The following HS3ST5 variants were observed in gnomAD, a reference collection of about 807,000 sequenced individuals.
The protein encoded by HS3ST5 is heparan sulfate-glucosamine 3-sulfotransferase 5.
In HS3ST5, 10 loss-of-function variants were observed where a neutral mutation model predicts 25.4. That is an observed-to-expected ratio of 0.39 (90% CI 0.24 to 0.67). The LOEUF is 0.67. Ranked by LOEUF, HS3ST5 falls within the 30% of genes least tolerant of loss-of-function variation. The pLI, the probability that HS3ST5 is intolerant of heterozygous loss-of-function variation, is 0.44. For synonymous variants in HS3ST5, 170 were observed against 162.4 expected, an observed-to-expected ratio of 1.05 and a Z score of -0.36; for missense variants, 324 against 420.7, an observed-to-expected ratio of 0.77 and a Z score of 2.01.
In HS3ST5 at chr6:114,249,577, T is replaced by C. The variant is rs1582757490; in HGVS notation, c.-338-20799A>G. Among the ~76,000 whole-genome samples the C allele has an allele frequency of 3.9e-5, 6 of 152,324 alleles. No homozygotes were observed. The South Asian group carries it at 1.2e-3, about 32-fold the overall frequency. On this transcript the variant is annotated intron_variant, in intron 1 of 4. Transcript: ENST00000312719. ...AGAGTGCTGGTTGCAGACAAGAGTGTTGCCCTTGGCTGAAGGAAACTGCCT... is the reference window on the plus strand; with the variant it reads ...AGAGTGCTGGTTGCAGACAAGAGTGCTGCCCTTGGCTGAAGGAAACTGCCT...
chr6:114,156,838 T>G (rs1778721563), intron 3 of HS3ST5, among the ~76,000 whole-genome samples: 2 of 152,186 alleles, frequency 1.3e-5, no homozygotes, highest in South Asian at 4.1e-4. Context: ...CTTCTTCCAC[T>G]TATTATCTTA....
At chr6:114,117,901 G>C (rs1273994083) in intron 3 of HS3ST5, among the ~76,000 whole-genome samples, 1 of 143,330 alleles carries the variant, frequency 7.0e-6, no homozygotes, top group African/African-American at 2.5e-5. Flanking sequence ...GGAATTCAGA[G>C]TGCAACAAAT....
rs190816838 is a variant in HS3ST5, at chr6:114,320,230, G to A, written c.-339+21965C>T. On this transcript the variant is annotated intron_variant, in intron 1 of 4. Transcript: ENST00000312719. ...TTCTAATGAAACTGAGACTCAGGTC[G>A]AATTAGTAATTTCACCAAAGTTACA... Among the ~76,000 whole-genome samples the A allele has an allele frequency of 4.6e-5, 7 of 152,148 alleles. No individual in the cohort carries two copies. The East Asian group carries it at 5.8e-4, about 13-fold the overall frequency.
intron 1 of HS3ST5, among the ~76,000 whole-genome samples, chr6:114,333,642 TA>T (rs1268190079): frequency 2.0e-5 from 3 of 152,146 alleles, no homozygotes; most frequent in Admixed American, 1.3e-4. Context: ...CTAATATATA[TA>T]TTTTTTTAAA....
At chr6:114,287,730 C>A (rs1774400079) in intron 1 of HS3ST5, among the ~76,000 whole-genome samples, 1 of 151,914 alleles carries the variant, frequency 6.6e-6, no homozygotes, top group Non-Finnish European at 1.5e-5. Flanking sequence ...ACAAACATCA[C>A]CCTCTTTAGG....
intron 3 of HS3ST5, among the ~76,000 whole-genome samples, chr6:114,068,723 A>G (rs144592411): frequency 1.1e-3 from 169 of 152,306 alleles, no homozygotes; most frequent in Non-Finnish European, 1.9e-3. Flanking sequence ...ATATAAAACT[A>G]AAGTTTTTTT....
chr6:114,284,762 A>C (rs1774265173), intron 1 of HS3ST5, among the ~76,000 whole-genome samples: 1 of 152,000 alleles, frequency 6.6e-6, no homozygotes, highest in Non-Finnish European at 1.5e-5. Flanking sequence ...TCCTTATAAC[A>C]CACACATGCA....
intron 3 of HS3ST5, among the ~76,000 whole-genome samples, chr6:114,117,887 G>T (rs1221576195): frequency 1.3e-5 from 2 of 151,096 alleles, no homozygotes; most frequent in East Asian, 2.0e-4. Context: ...TGTGGGCAAC[G>T]TAGGGAATTC....
At chr6:114,156,820 AG>A (rs1778720337) in intron 3 of HS3ST5, among the ~76,000 whole-genome samples, 1 of 151,552 alleles carries the variant, frequency 6.6e-6, no homozygotes, top group African/African-American at 2.4e-5. Context: ...GTGTTCTTTG[AG>A]GTTTCTCTTC....
intron 1 of HS3ST5, among the ~76,000 whole-genome samples, chr6:114,253,824 A>G (rs1355744976): frequency 6.6e-6 from 1 of 152,046 alleles, no homozygotes; most frequent in Non-Finnish European, 1.5e-5. Context: ...TTTCTCCCCT[A>G]TTCTCTATTT....
At chr6:114,184,452 C>T (rs1780119806) in intron 2 of HS3ST5, among the ~76,000 whole-genome samples, 1 of 151,962 alleles carries the variant, frequency 6.6e-6, no homozygotes, top group African/African-American at 2.4e-5. Context: ...AATTAACTAC[C>T]CCAGCAAAGC....
At chr6:114,222,862 G>A (rs1487781011) in intron 2 of HS3ST5, among the ~76,000 whole-genome samples, 1 of 151,812 alleles carries the variant, frequency 6.6e-6, no homozygotes, top group Non-Finnish European at 1.5e-5. Flanking sequence ...CTGTAGTAAT[G>A]TGTGGTTTAG....
chr6:114,060,482 A>G (rs1201744861), intron 4 of HS3ST5, among the ~76,000 whole-genome samples: 1 of 152,214 alleles, frequency 6.6e-6, no homozygotes, highest in Non-Finnish European at 1.5e-5. Context: ...ACTGATTGGA[A>G]TAATACAAGT....
At chr6:114,208,209 G>A (rs879763287) in intron 2 of HS3ST5, among the ~76,000 whole-genome samples, 1 of 152,106 alleles carries the variant, frequency 6.6e-6, no homozygotes, top group Non-Finnish European at 1.5e-5. Context: ...TTGTGTGGAT[G>A]TGCGGGAGCT....
At chr6:114,239,619 A>G (rs879835471) in intron 1 of HS3ST5, among the ~76,000 whole-genome samples, 1 of 152,186 alleles carries the variant, frequency 6.6e-6, no homozygotes, top group Non-Finnish European at 1.5e-5. Flanking sequence ...TTTGCCATCT[A>G]TACTTAACTC....
At chr6:114,238,017 A>C (rs1157655561) in intron 1 of HS3ST5, among the ~76,000 whole-genome samples, 2 of 152,244 alleles carry the variant, frequency 1.3e-5, no homozygotes, top group Non-Finnish European at 2.9e-5. Context: ...CTAAGCTTTT[A>C]AAAATTCATC....
At chr6:114,308,214 G>C (rs1024495281) in intron 1 of HS3ST5, among the ~76,000 whole-genome samples, 1 of 152,008 alleles carries the variant, frequency 6.6e-6, no homozygotes, top group African/African-American at 2.4e-5. Context: ...ATTATCTCTG[G>C]AGCATAAGTC....
At chr6:114,334,311 G>C (rs887619068) in intron 1 of HS3ST5, among the ~76,000 whole-genome samples, 2 of 152,088 alleles carry the variant, frequency 1.3e-5, no homozygotes, top group Non-Finnish European at 2.9e-5. Flanking sequence ...TGGGAAAAAG[G>C]CTCTTTTCCA....
intron 1 of HS3ST5, among the ~76,000 whole-genome samples, chr6:114,308,311 C>T (rs959344119): frequency 3.3e-5 from 5 of 152,198 alleles, no homozygotes; most frequent in Non-Finnish European, 5.9e-5. Flanking sequence ...GGTGGCAGGG[C>T]GCGGTGGCTC....
Sources: gnomAD v4.1 joint callset for allele counts (sites outside exome capture counted in the v4.1 genomes callset) on GRCh38, gnomAD v4.1.1 for gene constraint, MANE v1.5 for transcripts, NCBI Gene and HGNC (gene_info 2026-07-23, HGNC 2026-07-21) for gene names.